PDSS2: variants seen among roughly 807,000 people sequenced by gnomAD.
PDSS2 encodes the protein decaprenyl diphosphate synthase subunit 2.
In PDSS2, 31 loss-of-function variants were observed where a neutral mutation model predicts 44.5. The observed-to-expected ratio is 0.70, with a 90% CI of 0.52 to 0.94. The LOEUF (loss-of-function observed/expected upper bound fraction) is 0.94. PDSS2 is among the 40% of genes least tolerant of loss of function. PDSS2 has a pLI of 0.00. For synonymous variants in PDSS2, 157 were observed against 180.3 expected (o/e 0.87, Z 1.03); for missense variants, 452 against 482.2 (o/e 0.94, Z 0.59).
At chr6:107,332,782 A>C (rs1777753623) in intron 2 of PDSS2, among the ~76,000 whole-genome samples, 1 of 152,234 alleles carries the variant, frequency 6.6e-6, no homozygotes, top group Non-Finnish European at 1.5e-5. Context: ...TATTATAAGA[A>C]CCAAATGGAA....
intron 7 of PDSS2, among the ~76,000 whole-genome samples, chr6:107,155,927 T>A (rs1256986909): frequency 8.3e-6 from 1 of 119,926 alleles, no homozygotes; most frequent in East Asian, 2.8e-4. Flanking sequence ...TTTCGCTCTG[T>A]CATCCAGGCT....
intron 1 of PDSS2, among the ~76,000 whole-genome samples, chr6:107,424,487 A>G (rs887310325): frequency 2.0e-5 from 3 of 152,136 alleles, no homozygotes; most frequent in Admixed American, 6.5e-5. Context: ...CAACTATAAC[A>G]CAAGTAAACC....
chr6:107,334,413 C>T, intron 1 of PDSS2, 81 bp from the exon 2 acceptor site: 3 of 1,274,364 alleles, frequency 2.4e-6, no homozygotes, highest in East Asian at 2.3e-5. Flanking sequence ...TACAAAGATG[C>T]CCACACTTCT....
chr6:107,334,297 A>G lies in PDSS2; in HGVS notation c.332T>C (p.Leu111Ser), dbSNP rs2115246578. The part of the protein sequence containing the change: ...LVHDSWNSLQ[L>S]RGLVVLLISK... ...GATAAGGAGCACCACCAAGCCCCTC[A>G]ACTGGAGGCTATTCCAGCTGTCATG... Residue 111 changes from leucine (L) to serine (S), a missense_variant, in exon 2 of 8, where the codon TTG becomes TCG. Physicochemically the swap from Leu to Ser is moderately radical, Grantham distance 145. Transcript: ENST00000369037. 7 of 1,613,740 alleles carry G rather than the reference A, an allele frequency of 4.3e-6. No individual in the cohort carries two copies. The highest frequency in any genetic ancestry group is 5.9e-6 in the Non-Finnish European group (7 of 1,179,738).
At chr6:107,355,758 G>T (rs1333029565) in intron 1 of PDSS2, among the ~76,000 whole-genome samples, 1 of 152,202 alleles carries the variant, frequency 6.6e-6, no homozygotes, top group Non-Finnish European at 1.5e-5. Context: ...GAGATTCTCA[G>T]TCCTGGCTGC....
At chr6:107,309,535 T>A (rs1315806193) in intron 2 of PDSS2, among the ~76,000 whole-genome samples, 1 of 152,198 alleles carries the variant, frequency 6.6e-6, no homozygotes. Context: ...TTGGCCTACC[T>A]TAAGCCTTCT....
At chr6:107,390,810 A>G (rs1293903359) in intron 1 of PDSS2, among the ~76,000 whole-genome samples, 1 of 152,146 alleles carries the variant, frequency 6.6e-6, no homozygotes, top group Non-Finnish European at 1.5e-5. Context: ...AGCCAGAATC[A>G]TCCTGGAAAC....
At chr6:107,435,949 G>GGA (rs1781337562) in intron 1 of PDSS2, among the ~76,000 whole-genome samples, 1 of 150,884 alleles carries the variant, frequency 6.6e-6, no homozygotes, top group Non-Finnish European at 1.5e-5. Flanking sequence ...CAAAAATTGC[G>GGA]AAAAAAAAAT....
chr6:107,368,233 C>T (rs1562492291), intron 1 of PDSS2, among the ~76,000 whole-genome samples: 1 of 148,718 alleles, frequency 6.7e-6, no homozygotes, highest in South Asian at 2.1e-4. Context: ...CAGGACACTG[C>T]ACTCCAGCCT....
chr6:107,229,868 T>A (rs138548400), intron 4 of PDSS2: 3 of 185,008 alleles, frequency 1.6e-5, no homozygotes, highest in African/African-American at 7.1e-5. Flanking sequence ...AGGGCAACAG[T>A]ACCTAAGGCA....
At chr6:107,326,603 G>A (rs964518882) in intron 2 of PDSS2, among the ~76,000 whole-genome samples, 8 of 151,970 alleles carry the variant, frequency 5.3e-5, no homozygotes, top group African/African-American at 1.9e-4. Context: ...TGTAATCCCA[G>A]CACTTTGGGA....
chr6:107,258,272 G>C (rs1286850477), intron 3 of PDSS2, among the ~76,000 whole-genome samples: 1 of 151,880 alleles, frequency 6.6e-6, no homozygotes, highest in Non-Finnish European at 1.5e-5. Flanking sequence ...TTACTTTCCT[G>C]ACTTTATTAA....
At chr6:107,402,664 C>T (rs1483345706) in intron 1 of PDSS2, among the ~76,000 whole-genome samples, 1 of 150,316 alleles carries the variant, frequency 6.7e-6, no homozygotes, top group Non-Finnish European at 1.5e-5. Flanking sequence ...TACATGGCAG[C>T]AGACAAACAA....
intron 1 of PDSS2, among the ~76,000 whole-genome samples, chr6:107,439,007 C>T (rs557365734): frequency 1.6e-4 from 24 of 152,280 alleles, no homozygotes; most frequent in African/African-American, 5.8e-4. Flanking sequence ...ATCAAATTCC[C>T]TTTCCTTATG....
intron 4 of PDSS2, among the ~76,000 whole-genome samples, chr6:107,231,620 T>A (rs1774053509): frequency 6.6e-6 from 1 of 152,226 alleles, no homozygotes; most frequent in African/African-American, 2.4e-5. Flanking sequence ...TGCTACTGCT[T>A]ACTATTTTAA....
intron 1 of PDSS2, among the ~76,000 whole-genome samples, chr6:107,382,272 C>T (rs1779477090): frequency 6.6e-6 from 1 of 151,494 alleles, no homozygotes; most frequent in Admixed American, 6.6e-5. Context: ...TTTTTTTGGC[C>T]GTGAACCACC....
At chr6:107,178,442 A>G (rs879403534) in intron 7 of PDSS2, among the ~76,000 whole-genome samples, 5 of 152,204 alleles carry the variant, frequency 3.3e-5, no homozygotes, top group Non-Finnish European at 5.9e-5. Flanking sequence ...TTTCAAGAGA[A>G]TGATGATCAG....
intron 4 of PDSS2, among the ~76,000 whole-genome samples, chr6:107,217,606 G>C (rs984634154): frequency 4.5e-4 from 69 of 151,760 alleles, no homozygotes; most frequent in African/African-American, 1.5e-3. Context: ...TGACCAAATA[G>C]GCCTCTCAAA....
chr6:107,368,390 G>A (rs1415773941), intron 1 of PDSS2, among the ~76,000 whole-genome samples: 1 of 151,800 alleles, frequency 6.6e-6, no homozygotes, highest in Non-Finnish European at 1.5e-5. Flanking sequence ...TGTAAAATTC[G>A]ATGCTGAAAA....
Sources: gnomAD v4.1 joint callset for allele counts (sites outside exome capture counted in the v4.1 genomes callset) on GRCh38, gnomAD v4.1.1 for gene constraint, MANE v1.5 for transcripts, NCBI Gene and HGNC (gene_info 2026-07-23, HGNC 2026-07-21) for gene names.